Variants in ULK4 observed in about 807,000 individuals in gnomAD.
ULK4 encodes unc-51 like kinase 4.
In ULK4, 133 loss-of-function variants were observed where a neutral mutation model predicts 160.6. That is an observed-to-expected ratio of 0.83 (90% CI 0.72 to 0.96). ULK4 has a LOEUF of 0.96. Ranked by LOEUF, ULK4 falls within the 40% of genes least tolerant of loss-of-function variation. The probability of loss-of-function intolerance (pLI) is 0.00; values close to 1 mark genes in which losing one functional copy is unlikely to be tolerated. For synonymous variants in ULK4, 534 were observed against 539.8 expected, an observed-to-expected ratio of 0.99 and a Z score of 0.15; for missense variants, 1,580 against 1,499.5, an observed-to-expected ratio of 1.05 and a Z score of -0.89.
At chr3:41,598,509 T>C (rs1389244290) in intron 31 of ULK4, among the ~76,000 whole-genome samples, 1 of 152,190 alleles carries the variant, frequency 6.6e-6, no homozygotes. Flanking sequence ...CAACGAAACC[T>C]AGAAATTGCC....
intron 7 of ULK4, among the ~76,000 whole-genome samples, chr3:41,916,762 C>T (rs998925639): frequency 6.9e-6 from 1 of 144,258 alleles, no homozygotes; most frequent in Admixed American, 7.4e-5. Flanking sequence ...GGCTGGAGTG[C>T]AATGGAGCGA....
intron 20 of ULK4, among the ~76,000 whole-genome samples, chr3:41,798,086 T>A (rs999692729): frequency 6.6e-5 from 10 of 151,848 alleles, no homozygotes; most frequent in African/African-American, 2.4e-4. Flanking sequence ...GAGCAAGTAA[T>A]AAGAAGCCCA....
Position 41,309,406 on chromosome 3 carries a change from T to C in ULK4, c.3679-59832A>G, listed in dbSNP as rs139347363. Among the ~76,000 whole-genome samples the C allele has an allele frequency of 3.2e-3, 488 of 152,236 alleles. 3 individuals are homozygous for C. Among genetic ancestry groups the C allele is most frequent in the African/African-American group, 0.011 (457 of 41,530 alleles). On this transcript the variant is annotated intron_variant, in intron 35 of 36. Transcript: ENST00000301831. Reference sequence around the variant, plus strand: ...CAGCAGTTATTCGTAGGTGTGATCATTGCATACTACAATCCCAGATTCCTA... The same window carrying C: ...CAGCAGTTATTCGTAGGTGTGATCACTGCATACTACAATCCCAGATTCCTA...
At position 41,678,488 on chromosome 3, in the gene ULK4, G is replaced by A. The variant is rs989979134; in HGVS notation, c.2978+3020C>T. 4.6e-5 allele frequency among the ~76,000 whole-genome samples: 7 copies of A among 152,130 alleles called. No individual in the cohort carries two copies. The East Asian group carries it at 1.2e-3, about 25-fold the overall frequency. ...TGGATGAGAATAGGAGCCTATCTGA[G>A]AACAAAGCAGAGTAGATGTAGGCAG... On this transcript the variant is annotated intron_variant, in intron 29 of 36. Transcript: ENST00000301831.
intron 19 of ULK4, among the ~76,000 whole-genome samples, chr3:41,816,742 C>T (rs1037400683): frequency 2.6e-5 from 4 of 151,930 alleles, no homozygotes; most frequent in South Asian, 2.1e-4. Context: ...ATCCCAGAGG[C>T]GGAGGTTGCA....
chr3:41,780,807 T>C (rs1394917624), intron 21 of ULK4, among the ~76,000 whole-genome samples: 4 of 152,130 alleles, frequency 2.6e-5, no homozygotes, highest in Admixed American at 2.6e-4. Context: ...AATTTACCAA[T>C]CAGGGGCCAT....
intron 18 of ULK4, 27 bp downstream of exon 18, chr3:41,835,837 G>A: frequency 1.3e-6 from 2 of 1,495,440 alleles, no homozygotes; most frequent in African/African-American, 1.4e-5. Flanking sequence ...ATGTCAAACA[G>A]CAACAGAGTT....
At chr3:41,386,019 A>G (rs1255935447) in intron 35 of ULK4, among the ~76,000 whole-genome samples, 1 of 152,228 alleles carries the variant, frequency 6.6e-6, no homozygotes, top group Non-Finnish European at 1.5e-5. Context: ...CATTTCTGGG[A>G]AGAAATATAC....
intron 35 of ULK4, among the ~76,000 whole-genome samples, chr3:41,282,538 A>G (rs985727186): frequency 1.3e-5 from 2 of 152,254 alleles, no homozygotes; most frequent in Non-Finnish European, 2.9e-5. Context: ...TGACAAAAAT[A>G]AGAAACGGGG....
At chr3:41,371,170 A>G (rs892527894) in intron 35 of ULK4, among the ~76,000 whole-genome samples, 2 of 152,160 alleles carry the variant, frequency 1.3e-5, no homozygotes, top group African/African-American at 4.8e-5. Context: ...TCAAACTCCC[A>G]TCTCCCTAGG....
chr3:41,803,477 TTC>T (rs1324389589), intron 19 of ULK4, among the ~76,000 whole-genome samples: 1 of 152,114 alleles, frequency 6.6e-6, no homozygotes, highest in African/African-American at 2.4e-5. Context: ...AGGCAAAGCT[TTC>T]TTTTTTATTA....
intron 35 of ULK4, among the ~76,000 whole-genome samples, chr3:41,321,562 T>A (rs1455624361): frequency 6.6e-6 from 1 of 151,898 alleles, no homozygotes; most frequent in Non-Finnish European, 1.5e-5. Context: ...GTCAGGCAGT[T>A]GTTAACTGTC....
intron 5 of ULK4, among the ~76,000 whole-genome samples, chr3:41,929,608 T>C (rs1244062912): frequency 6.6e-6 from 1 of 152,064 alleles, no homozygotes; most frequent in African/African-American, 2.4e-5. Flanking sequence ...CAGCCCAACA[T>C]CTCCTAAAGC....
At chr3:41,590,798 T>C (rs1451656966) in intron 31 of ULK4, among the ~76,000 whole-genome samples, 1 of 149,146 alleles carries the variant, frequency 6.7e-6, no homozygotes, top group African/African-American at 2.5e-5. Flanking sequence ...AAAAAAACTC[T>C]GAAAAATGAA....
At chr3:41,618,554 C>T (rs1368530089) in intron 30 of ULK4, among the ~76,000 whole-genome samples, 1 of 152,134 alleles carries the variant, frequency 6.6e-6, no homozygotes, top group Non-Finnish European at 1.5e-5. Context: ...AAATAAAATC[C>T]TTTCCAGATG....
At position 41,739,203 on chromosome 3, in the gene ULK4, G is replaced by C. The variant is rs114032790; in HGVS notation, c.2321+15158C>G. 6.2e-4 allele frequency among the ~76,000 whole-genome samples: 95 copies of C among 152,068 alleles called. 2 individuals carry two copies. The highest frequency in any genetic ancestry group is 2.2e-3 in the African/African-American group (91 of 41,344). ...TGAGTCAATCAATATAAGAGACTGA[G>C]TTTCAACATGTCAAAAAATATAGCA... On this transcript the variant is annotated intron_variant, in intron 22 of 36. Coordinates refer to ENST00000301831, the MANE Select transcript of ULK4 (RefSeq NM_017886.4).
chr3:41,258,949 A>AAT (rs890454033), intron 35 of ULK4, among the ~76,000 whole-genome samples: 170 of 149,138 alleles, frequency 1.1e-3, no homozygotes, highest in African/African-American at 3.6e-3. Flanking sequence ...ACATCTGTTG[A>AAT]ATATATATAT....
intron 32 of ULK4, among the ~76,000 whole-genome samples, chr3:41,545,056 A>G (rs538950000): frequency 6.6e-4 from 100 of 152,266 alleles, no homozygotes; most frequent in East Asian, 1.9e-3. Flanking sequence ...GGAATTCTCA[A>G]TGTTAACTTT....
chr3:41,374,099 T>A (rs2125786529), intron 35 of ULK4, among the ~76,000 whole-genome samples: 1 of 152,222 alleles, frequency 6.6e-6, no homozygotes, highest in South Asian at 2.1e-4. Flanking sequence ...AGAAGTTGAA[T>A]CCCTGAATAG....
Sources: allele counts gnomAD v4.1 joint callset (sites outside exome capture counted in the v4.1 genomes callset), GRCh38; gene constraint gnomAD v4.1.1; transcripts MANE v1.5; gene names NCBI Gene and HGNC (gene_info 2026-07-23, HGNC 2026-07-21).